Variants in PLS3 observed in about 807,000 individuals in gnomAD.
The protein encoded by PLS3 is plastin-3.
Under a neutral mutation model 46.5 loss-of-function variants are expected in PLS3, and 11 were observed. The observed-to-expected ratio is 0.24, with a 90% CI of 0.15 to 0.39. PLS3 has a LOEUF of 0.39. PLS3 is among the 10% of genes least tolerant of loss of function. The pLI, the probability that PLS3 is intolerant of heterozygous loss-of-function variation, is 1.00. For synonymous variants in PLS3, 167 were observed against 162.2 expected (o/e 1.03, Z -0.22); for missense variants, 308 against 461.8 (o/e 0.67, Z 3.05).
At chrX:115,639,102 A>G (rs1556640649) in intron 8 of PLS3, among the ~76,000 whole-genome samples, 1 of 112,107 alleles carries the variant, frequency 8.9e-6, no homozygotes, top group Non-Finnish European at 1.9e-5. Flanking sequence ...TTTCACCTGT[A>G]AAGCCCTTTT....
At chrX:115,571,464 G>A (rs2074215431) in intron 1 of PLS3, among the ~76,000 whole-genome samples, 1 of 107,157 alleles carries the variant, frequency 9.3e-6, no homozygotes, top group Admixed American at 1.0e-4. Context: ...GCTGCAGTGA[G>A]CCAAGATCGT....
At chrX:115,641,050 A>T (rs2074889662) in intron 9 of PLS3, among the ~76,000 whole-genome samples, 1 of 110,382 alleles carries the variant, frequency 9.1e-6, no homozygotes, top group Non-Finnish European at 1.9e-5. Flanking sequence ...CACTTTGTTC[A>T]TCCATAAAGT....
intron 1 of PLS3, among the ~76,000 whole-genome samples, chrX:115,567,706 CTTCT>C (rs1290035403): frequency 6.5e-4 from 63 of 96,852 alleles, no homozygotes; most frequent in African/African-American, 2.2e-3. Flanking sequence ...TTCTTTTCTT[CTTCT>C]TTTTTTTTTT....
rs1012015891 is a variant in PLS3 at position 115,597,037 on chromosome X, C to A, written c.-8-13206C>A. On this transcript the variant is annotated intron_variant, in intron 1 of 15. Transcript: ENST00000355899. The stretch of plus-strand genomic sequence containing the variant: ...GTGGGCGCCTGTAATCCCAGCTACC[C>A]AGGAGGCTGCGGCAGGAGAATCACT... Among the ~76,000 whole-genome samples, 11 of 105,074 alleles carry A rather than the reference C, an allele frequency of 1.0e-4. No homozygotes were observed. In the South Asian group the frequency reaches 4.9e-3, roughly 47 times the overall value. The allele number at this position is 105,074 out of a possible 115,157, so 91.2% of individuals were successfully genotyped here. A position where few individuals can be genotyped will look rare whatever the true frequency, so the allele number is the denominator to read the frequency against.
At chrX:115,618,001 A>C (rs2074613246) in intron 2 of PLS3, among the ~76,000 whole-genome samples, 2 of 111,324 alleles carry the variant, frequency 1.8e-5, no homozygotes, top group Non-Finnish European at 3.8e-5. Flanking sequence ...ATCATAGCTC[A>C]CTGCAGCCTC....
At position 115,647,911 on chromosome X, in the gene PLS3, A is replaced by G; in HGVS notation, c.1654A>G (p.Ser552Gly). 8.3e-7 allele frequency: 1 copy of G among 1,201,518 alleles called. No homozygotes were observed. Among genetic ancestry groups the G allele is most frequent in the Non-Finnish European group, 1.1e-6 (1 of 886,176 alleles). ...ACACTAGGACAAGACGATCAGCTCCAGTTTGGCAGTTGTGGATTTAATTGA... is the reference window on the plus strand; with the variant it reads ...ACACTAGGACAAGACGATCAGCTCCGGTTTGGCAGTTGTGGATTTAATTGA... ...QSFKDKTISS[S>G]LAVVDLIDAI... Residue 552 changes from serine to glycine, a missense_variant, in exon 15 of 16, where the codon AGT (serine) becomes GGT (glycine). By Grantham distance (56) the Ser-to-Gly change is moderately conservative. This residue lies in a region of PLS3 where 271 missense variants were observed against 435.7 expected (regional missense o/e 0.62). Transcript: ENST00000355899.
chrX:115,572,822 G>A (rs782503731), intron 1 of PLS3, among the ~76,000 whole-genome samples: 23 of 111,179 alleles, frequency 2.1e-4, no homozygotes, highest in African/African-American at 4.9e-4. Context: ...GACCGTGCCC[G>A]GTGGTTCATG....
At chrX:115,633,771 A>C (rs2074802738) in intron 5 of PLS3, among the ~76,000 whole-genome samples, 1 of 111,683 alleles carries the variant, frequency 9.0e-6, no homozygotes, top group Non-Finnish European at 1.9e-5. Context: ...GGGATTATAG[A>C]CATCAGCCAC....
At chrX:115,612,290 T>G (rs2074555279) in intron 2 of PLS3, among the ~76,000 whole-genome samples, 1 of 111,696 alleles carries the variant, frequency 9.0e-6, no homozygotes, top group Admixed American at 9.6e-5. Context: ...AAAATTTATA[T>G]ATATTTTTCA....
chrX:115,621,844 C>T (rs1007644589), intron 2 of PLS3, among the ~76,000 whole-genome samples: 5 of 111,718 alleles, frequency 4.5e-5, no homozygotes, highest in African/African-American at 9.7e-5. Context: ...CTTTTTGGAG[C>T]AATGGAAGAA....
chrX:115,627,324 C>T (rs139171657), intron 3 of PLS3, among the ~76,000 whole-genome samples: 2,411 of 112,138 alleles, frequency 0.022, 68 homozygotes, highest in African/African-American at 0.074. Flanking sequence ...CAGAAGCACT[C>T]GTAATAAGAA....
At chrX:115,583,902 G>A (rs1261231098) in intron 1 of PLS3, among the ~76,000 whole-genome samples, 1 of 110,932 alleles carries the variant, frequency 9.0e-6, no homozygotes, top group Non-Finnish European at 1.9e-5. Flanking sequence ...CAAGTTTGAG[G>A]AAAAACTTGA....
intron 5 of PLS3, among the ~76,000 whole-genome samples, chrX:115,632,778 T>G (rs782609479): frequency 1.4e-4 from 15 of 110,618 alleles, no homozygotes; most frequent in Admixed American, 6.8e-4. Flanking sequence ...AGACAGGGTC[T>G]TGCTGTGCAG....
At chrX:115,582,874 A>C (rs1392421955) in intron 1 of PLS3, among the ~76,000 whole-genome samples, 2 of 112,021 alleles carry the variant, frequency 1.8e-5, no homozygotes, top group Middle Eastern at 4.2e-3. Context: ...GCCCGTCTCT[A>C]CTAAAAACAC....
intron 1 of PLS3, among the ~76,000 whole-genome samples, chrX:115,598,437 G>A (rs184086060): frequency 2.5e-4 from 28 of 111,025 alleles, no homozygotes; most frequent in Non-Finnish European, 4.0e-4. Flanking sequence ...TATGACACAC[G>A]TGAGGGCATT....
chrX:115,575,797 A>G (rs1360129127), intron 1 of PLS3, among the ~76,000 whole-genome samples: 2 of 111,798 alleles, frequency 1.8e-5, no homozygotes, highest in African/African-American at 6.5e-5. Flanking sequence ...TTGGCTTATC[A>G]TCGACTTGTT....
intron 6 of PLS3, 35 bp from the exon 7 acceptor site, chrX:115,634,846 T>C (rs781821461): frequency 2.5e-6 from 3 of 1,178,005 alleles, no homozygotes; most frequent in Non-Finnish European, 3.4e-6. Flanking sequence ...AATGGAAAGG[T>C]CAAGAAGCAA....
chrX:115,588,157 T>C (rs1261018156), intron 1 of PLS3, among the ~76,000 whole-genome samples: 3 of 112,415 alleles, frequency 2.7e-5, no homozygotes, highest in African/African-American at 9.7e-5. Context: ...GACAAATAGA[T>C]TTTGAAAAAA....
intron 2 of PLS3, among the ~76,000 whole-genome samples, chrX:115,619,042 T>C (rs895255776): frequency 1.8e-5 from 2 of 112,639 alleles, no homozygotes; most frequent in Non-Finnish European, 3.7e-5. Context: ...GTGATCAGAA[T>C]GTTATCACTC....
Sources: allele counts gnomAD v4.1 joint callset (sites outside exome capture counted in the v4.1 genomes callset), GRCh38; gene constraint gnomAD v4.1.1; regional missense constraint gnomAD v4.1.1; transcripts MANE v1.5; gene names NCBI Gene and HGNC (gene_info 2026-07-23, HGNC 2026-07-21).